Variants in TTC28 observed in about 807,000 individuals in gnomAD.
TTC28 encodes the protein tetratricopeptide repeat domain 28.
TTC28 carries 61 observed loss-of-function variants against 198.0 expected under a neutral mutation model. The ratio of observed to expected loss-of-function variants is 0.31; its 90% confidence interval spans 0.25 to 0.38. The LOEUF (loss-of-function observed/expected upper bound fraction) is 0.38. TTC28 is among the 10% of genes least tolerant of loss of function. The pLI is 1.00. For synonymous variants in TTC28, 1,171 were observed against 1,297.8 expected, an observed-to-expected ratio of 0.90 and a Z score of 2.10; for missense variants, 2,678 against 3,164.0, an observed-to-expected ratio of 0.85 and a Z score of 3.69.
chr22:28,179,160 G>GTT (rs1163588647), intron 5 of TTC28, among the ~76,000 whole-genome samples: 1 of 145,628 alleles, frequency 6.9e-6, no homozygotes, highest in Admixed American at 6.7e-5. Flanking sequence ...TTGTTTTTTT[G>GTT]TTTTGTTTTT....
At chr22:28,503,524 G>A (rs1197993546) in intron 2 of TTC28, among the ~76,000 whole-genome samples, 1 of 152,064 alleles carries the variant, frequency 6.6e-6, no homozygotes, top group Non-Finnish European at 1.5e-5. Flanking sequence ...ATGTCATTAG[G>A]CTTCAGTTTC....
intron 2 of TTC28, among the ~76,000 whole-genome samples, chr22:28,537,303 T>TACCAAAACAAAACAAAACAAAACAAAAC (rs779564628): frequency 3.3e-5 from 4 of 120,618 alleles, no homozygotes; most frequent in Admixed American, 3.2e-4. Context: ...AAAAATAAAA[T>TACCAAAACAAAACAAAACAAAACAAAAC]AAAATAAAAT....
intron 1 of TTC28, among the ~76,000 whole-genome samples, chr22:28,660,570 A>G (rs553880719): frequency 7.2e-5 from 11 of 151,736 alleles, no homozygotes; most frequent in African/African-American, 2.4e-4. Context: ...TGTCACTCAG[A>G]CTGGAGTACA....
At chr22:28,224,385 C>G (rs1345216101) in intron 5 of TTC28, among the ~76,000 whole-genome samples, 1 of 152,106 alleles carries the variant, frequency 6.6e-6, no homozygotes, top group East Asian at 1.9e-4. Context: ...TTATACAGCC[C>G]TTCTCAAGGG....
At chr22:28,548,228 G>A (rs866919666) in intron 2 of TTC28, among the ~76,000 whole-genome samples, 6 of 152,098 alleles carry the variant, frequency 3.9e-5, no homozygotes, top group South Asian at 2.1e-4. Flanking sequence ...AACAAGGCCC[G>A]AAAGCAAATA....
rs559150579 is a variant in TTC28 at position 28,005,755 on chromosome 22, C to G, written c.4219-4202G>C. 6.6e-6 allele frequency among the ~76,000 whole-genome samples: 1 copy of G among 152,328 alleles called. No individual in the cohort carries two copies. Among genetic ancestry groups the G allele is most frequent in the African/African-American group, 2.4e-5 (1 of 41,580 alleles). Reference sequence around the variant, plus strand: ...ACCTATCACCGCTGGAAGCTGATGGCTGCTCTCCTGCCCACACTCAGGGGG... The same window carrying G: ...ACCTATCACCGCTGGAAGCTGATGGGTGCTCTCCTGCCCACACTCAGGGGG... On this transcript the variant is annotated intron_variant, in intron 14 of 22. Coordinates refer to ENST00000397906, the MANE Select transcript of TTC28 (RefSeq NM_001145418.2). The surrounding 1 kb of genome is among the most constrained non-coding windows in gnomAD (Gnocchi z 4.9).
intron 2 of TTC28, among the ~76,000 whole-genome samples, chr22:28,329,684 GT>G (rs1396628791): frequency 6.6e-6 from 1 of 151,958 alleles, no homozygotes; most frequent in Non-Finnish European, 1.5e-5. Context: ...CTCTGTTTTT[GT>G]TTTTTTAGGT....
chr22:28,522,490 A>C (rs2048927813), intron 2 of TTC28, among the ~76,000 whole-genome samples: 1 of 149,552 alleles, frequency 6.7e-6, no homozygotes, highest in Admixed American at 6.7e-5. Flanking sequence ...CTCCGTCTCA[A>C]AAAAAAAAAA....
At chr22:28,021,820 A>T (rs1334423051) in intron 13 of TTC28, among the ~76,000 whole-genome samples, 2 of 151,922 alleles carry the variant, frequency 1.3e-5, no homozygotes, top group Non-Finnish European at 2.9e-5. Context: ...AGGAATGCTC[A>T]CCCCAGGGCA....
chr22:28,491,539 G>A (rs955766165), intron 2 of TTC28, among the ~76,000 whole-genome samples: 1 of 152,144 alleles, frequency 6.6e-6, no homozygotes, highest in Non-Finnish European at 1.5e-5. Flanking sequence ...TCAAAGAAAT[G>A]CAAATCAAAA....
At chr22:28,401,083 TATG>T (rs556020977) in intron 2 of TTC28, among the ~76,000 whole-genome samples, 215 of 151,212 alleles carry the variant, frequency 1.4e-3, no homozygotes, top group African/African-American at 4.9e-3. Flanking sequence ...ATCAGGGAAG[TATG>T]ATAAGAAAGA....
At chr22:28,534,035 G>A (rs1243384926) in intron 2 of TTC28, among the ~76,000 whole-genome samples, 1 of 152,148 alleles carries the variant, frequency 6.6e-6, no homozygotes, top group Non-Finnish European at 1.5e-5. Context: ...AAAAGCAATG[G>A]CAACAAAAGC....
chr22:28,147,731 G>A (rs905261590), intron 6 of TTC28, among the ~76,000 whole-genome samples: 7 of 152,122 alleles, frequency 4.6e-5, no homozygotes, highest in African/African-American at 7.2e-5. Flanking sequence ...ACAATGAATC[G>A]CTGCATAAGA....
At chr22:27,990,624 G>A (rs561096426) in intron 20 of TTC28, among the ~76,000 whole-genome samples, 165 bp downstream of exon 20, 2 of 152,242 alleles carry the variant, frequency 1.3e-5, no homozygotes, top group South Asian at 4.2e-4. Context: ...AGAAGGGGAC[G>A]GGCCGCCAGT....
In TTC28 at chr22:27,983,258, C is replaced by T. The variant is rs1202647863; in HGVS notation, c.6409G>A (p.Asp2137Asn). 6.4e-7 allele frequency: 1 copy of T among 1,551,828 alleles called. No individual in the cohort carries two copies. The highest frequency in any genetic ancestry group is 1.4e-5 in the African/African-American group (1 of 73,038). The part of the protein sequence containing the change: ...KLASSDTGES[D>N]QSSTETDSTV... ...CTGTCCGTTTCTGTGCTAGACTGGT[C>T]TGATTCTCCTGTATCTGAGCTTGCT... The change falls in exon 23 of 23, where the codon GAC becomes AAC. Residue 2137 changes from aspartate (D) to asparagine (N), a missense_variant. By Grantham distance (23) the Asp-to-Asn change is conservative. This residue lies in a region of TTC28 where 622 missense variants were observed against 656.0 expected (regional missense o/e 0.95). Transcript: ENST00000397906.
Position 28,264,807 on chromosome 22 carries a change from G to T in TTC28, c.933+31391C>A, listed in dbSNP as rs568537178. On this transcript the variant is annotated intron_variant, in intron 5 of 22. Coordinates refer to ENST00000397906, the MANE Select transcript of TTC28 (RefSeq NM_001145418.2). ...GACCTGCTGAATTGAAAGTACCTGT[G>T]ATATACACTGAAGACTGCGATATGA... Among the ~76,000 whole-genome samples, 6 of 152,238 alleles carry T rather than the reference G, an allele frequency of 3.9e-5. No individual in the cohort carries two copies. In the South Asian group the frequency reaches 1.2e-3, roughly 32 times the overall value.
At chr22:28,213,861 G>A (rs1165452649) in intron 5 of TTC28, among the ~76,000 whole-genome samples, 2 of 152,078 alleles carry the variant, frequency 1.3e-5, no homozygotes, top group African/African-American at 4.8e-5. Flanking sequence ...GAGGCATCAC[G>A]CTACCCGACT....
At chr22:28,126,942 T>G (rs1942930159) in intron 6 of TTC28, among the ~76,000 whole-genome samples, 1 of 152,200 alleles carries the variant, frequency 6.6e-6, no homozygotes. Flanking sequence ...AGCTTGCTCA[T>G]GCTGGCCTCG....
intron 2 of TTC28, among the ~76,000 whole-genome samples, chr22:28,596,743 C>T (rs2050549078): frequency 6.6e-6 from 1 of 152,134 alleles, no homozygotes; most frequent in Admixed American, 6.6e-5. Context: ...GGATCTTATG[C>T]TAATCACTTA....
Sources: allele counts gnomAD v4.1 joint callset (sites outside exome capture counted in the v4.1 genomes callset), GRCh38; gene constraint gnomAD v4.1.1; regional missense constraint gnomAD v4.1.1; non-coding constraint Gnocchi (gnomAD v3.1); transcripts MANE v1.5; gene names NCBI Gene and HGNC (gene_info 2026-07-23, HGNC 2026-07-21).